The following PDCD11 variants were observed in gnomAD, a reference collection of about 807,000 sequenced individuals.
PDCD11 encodes the protein protein RRP5 homolog.
In PDCD11, 97 loss-of-function variants were observed where a neutral mutation model predicts 198.9. The ratio of observed to expected loss-of-function variants is 0.49; its 90% CI spans 0.41 to 0.58. The LOEUF (loss-of-function observed/expected upper bound fraction) is 0.58, where lower values mean the gene tolerates loss of function less well. PDCD11 is among the 20% of genes least tolerant of loss of function. The pLI is 0.00. For missense variants in PDCD11, 2,102 were observed against 2,312.7 expected, an observed-to-expected ratio of 0.91 and a Z score of 1.87; for synonymous variants, 893 against 918.0, an observed-to-expected ratio of 0.97 and a Z score of 0.49.
chr10:103,435,224 GT>G (rs1217089780), intron 25 of PDCD11, among the ~76,000 whole-genome samples: 1 of 151,588 alleles, frequency 6.6e-6, no homozygotes, highest in South Asian at 2.1e-4. Context: ...TTGATATACT[GT>G]TTTTTTCTCA....
chr10:103,421,635 G>T, intron 17 of PDCD11, 68 bp downstream of exon 17: 2 of 1,272,330 alleles, frequency 1.6e-6, no homozygotes, highest in South Asian at 2.6e-5. Flanking sequence ...TACACCTGTT[G>T]TTAGGTGAGT....
chr10:103,430,894 G>A (rs2031905528), intron 21 of PDCD11, among the ~76,000 whole-genome samples: 1 of 151,884 alleles, frequency 6.6e-6, no homozygotes, highest in Admixed American at 6.6e-5. Context: ...TACCTCCTGG[G>A]TTGAAGTGAT....
rs1158777019 is a variant in PDCD11 at position 103,441,930 on chromosome 10, A to G, written c.4662A>G (p.Ala1554=). ...DSLTPALPPL[A]ESSDSEEDEK... is the part of the protein sequence containing the mutation. ...TGACCCCGGCCTTGCCACCTCTAGC[A>G]GAGAGCTCAGACAGCGAGGAGGATG... Residue 1554 remains alanine (A), a synonymous_variant, in exon 31 of 36, where the codon GCA becomes GCG. Transcript: ENST00000369797. 6.2e-7 allele frequency: 1 copy of G among 1,614,242 alleles called. No homozygotes were observed. Among genetic ancestry groups the G allele is most frequent in the Admixed American group, 1.7e-5 (1 of 60,038 alleles).
Position 103,418,048 on chromosome 10 carries a change from A to C in PDCD11, c.1911+116A>C. 3 of 1,197,228 alleles carry C rather than the reference A, an allele frequency of 2.5e-6. No homozygotes were observed. The South Asian group carries it at 3.9e-5, about 16-fold the overall frequency. The allele number at this position is 1,197,228 out of a possible 1,614,324, so 74.2% of individuals were successfully genotyped here. On this transcript the variant is annotated intron_variant, in intron 14 of 35. Transcript: ENST00000369797. Reference sequence around the variant, plus strand: ...GGAAAGATAGAGGTAGCTAGATAAGATTTTGGGGCTAGAGGGGTTCATACG... The same window carrying C: ...GGAAAGATAGAGGTAGCTAGATAAGCTTTTGGGGCTAGAGGGGTTCATACG...
intron 8 of PDCD11, among the ~76,000 whole-genome samples, chr10:103,410,968 G>A (rs2030766610): frequency 1.3e-5 from 2 of 151,692 alleles, no homozygotes; most frequent in Admixed American, 6.6e-5. Context: ...CCAGCTACTC[G>A]GGAGACTGAG....
chr10:103,443,198 T>A lies in PDCD11; in HGVS notation c.4989T>A (p.Ala1663=). 1.2e-6 allele frequency: 2 copies of A among 1,603,862 alleles called. No individual in the cohort carries two copies. The highest frequency in any genetic ancestry group is 1.7e-6 in the Non-Finnish European group (2 of 1,172,584). Residue 1663 remains alanine (A), a synonymous_variant, in exon 33 of 36, where the codon GCT becomes GCA. Coordinates refer to ENST00000369797, the MANE Select transcript of PDCD11 (RefSeq NM_014976.2). The part of the protein sequence containing the change: ...EEQEKLNVWV[A]LLNLENMYGS... ...AGGAGAAGCTGAACGTGTGGGTGGC[T>A]CTGCTGAACCTGGAGAACATGTACG...
intron 27 of PDCD11, 44 bp from the exon 28 acceptor site, chr10:103,439,702 T>G: frequency 6.2e-7 from 1 of 1,613,258 alleles, no homozygotes; most frequent in Non-Finnish European, 8.5e-7. Context: ...TGGAATTCTG[T>G]TGTTGCATTT....
chr10:103,418,712 A>G, intron 15 of PDCD11, 78 bp downstream of exon 15: 1 of 1,219,140 alleles, frequency 8.2e-7, no homozygotes, highest in Non-Finnish European at 1.2e-6. Context: ...TGGGGAAATT[A>G]GACAGCTATT....
chr10:103,426,624 G>A (rs569236934), intron 20 of PDCD11, among the ~76,000 whole-genome samples: 5 of 151,568 alleles, frequency 3.3e-5, no homozygotes, highest in South Asian at 2.1e-4. Flanking sequence ...GTGAAACCCC[G>A]TCTACTGAAA....
Position 103,423,070 on chromosome 10 carries a change from C to A in PDCD11, c.2580C>A (p.Gly860=). ...TGGTGCAGGAGGTGTTGGAAGATGG[C>A]TCTGTGGTATTCAGTGGGGGTCCAG... is the stretch of plus-strand genomic sequence containing the variant. ...DLVVQEVLED[G]SVVFSGGPVP... Residue 860 remains glycine, a synonymous_variant, in exon 18 of 36, where the codon GGC becomes GGA. Coordinates refer to ENST00000369797, the MANE Select transcript of PDCD11 (RefSeq NM_014976.2). 1 of 1,606,940 alleles carries A rather than the reference C, an allele frequency of 6.2e-7. No homozygotes were observed.
At position 103,434,859 on chromosome 10, in the gene PDCD11, C is replaced by T. The variant is rs759926468; in HGVS notation, c.3729C>T (p.Asn1243=). 3.0e-5 allele frequency: 49 copies of T among 1,612,676 alleles called. No homozygotes were observed. Among genetic ancestry groups the T allele is most frequent in the South Asian group, 1.2e-4 (11 of 90,840 alleles). Residue 1243 remains asparagine, a synonymous_variant, in exon 25 of 36, where the codon AAC becomes AAT. Coordinates refer to ENST00000369797, the MANE Select transcript of PDCD11 (RefSeq NM_014976.2). ...GCCGAGTGGTGAAGGTGACTCCCAA[C>T]GAGGGGCTGACCGTCTCCTTCCCCT... ...AMGRVVKVTP[N]EGLTVSFPFG... is the part of the protein sequence containing the mutation.
chr10:103,414,406 C>A, intron 11 of PDCD11, 76 bp downstream of exon 11: 1 of 975,898 alleles, frequency 1.0e-6, no homozygotes, highest in Non-Finnish European at 1.6e-6. Context: ...TGACTGTCAG[C>A]CCGTTAGTCC....
intron 27 of PDCD11, among the ~76,000 whole-genome samples, chr10:103,439,021 T>C (rs1029630286): frequency 6.6e-6 from 1 of 152,346 alleles, no homozygotes; most frequent in South Asian, 2.1e-4. Context: ...ACAAAGAATA[T>C]GGCATTTCTA....
At position 103,403,267 on chromosome 10, in the gene PDCD11, A is replaced by G; in HGVS notation, c.384A>G (p.Thr128=). ...AYTKKLNEQV[T]QEQPLKDLLH... is the part of the protein sequence containing the mutation. ...CCAAAAAGCTGAATGAGCAGGTGAC[A>G]CAAGAACAACCTCTGAAGGTAAGGG... The change falls in exon 4 of 36, where the codon ACA becomes ACG. Residue 128 remains threonine, a synonymous_variant. Coordinates refer to ENST00000369797, the MANE Select transcript of PDCD11 (RefSeq NM_014976.2). 4 of 1,614,074 alleles carry G rather than the reference A, an allele frequency of 2.5e-6. No individual in the cohort carries two copies. Among genetic ancestry groups the G allele is most frequent in the Non-Finnish European group, 3.4e-6 (4 of 1,179,950 alleles).
In PDCD11 at chr10:103,416,442, G is replaced by T. The variant is rs769948130; in HGVS notation, c.1519-49G>T. On this transcript the variant is annotated intron_variant, in intron 12 of 35. Coordinates refer to ENST00000369797, the MANE Select transcript of PDCD11 (RefSeq NM_014976.2). Reference sequence around the variant, plus strand: ...AGAGGTTGCAGAGACCAGCTCAGTGGCTCTCATGATAACAGATAACTTGAT... The same window carrying T: ...AGAGGTTGCAGAGACCAGCTCAGTGTCTCTCATGATAACAGATAACTTGAT... 19 of 1,598,152 alleles carry T rather than the reference G, an allele frequency of 1.2e-5. No individual in the cohort carries two copies. In the African/African-American group the frequency reaches 2.5e-4, roughly 21 times the overall value.
At chr10:103,420,128 A>G (rs138873813) in intron 16 of PDCD11, among the ~76,000 whole-genome samples, 1,724 of 151,998 alleles carry the variant, frequency 0.011, 10 homozygotes, top group Non-Finnish European at 0.018. Flanking sequence ...AAAGATTTTC[A>G]GGGGTACCTC....
chr10:103,406,637 G>C lies in PDCD11; in HGVS notation c.717G>C (p.Leu239=), dbSNP rs1208593159. 6.2e-7 allele frequency: 1 copy of C among 1,614,130 alleles called. No individual in the cohort carries two copies. The highest frequency in any genetic ancestry group is 1.1e-5 in the South Asian group (1 of 91,078). Residue 239 remains leucine, a synonymous_variant, in exon 7 of 36, where the codon CTG becomes CTC. Coordinates refer to ENST00000369797, the MANE Select transcript of PDCD11 (RefSeq NM_014976.2). ...CTAAACTAAAGGTGGGTCAGTACCT[G>C]AACTGCATTGTTGAAAAGGTGAAAG... ...KGAKLKVGQY[L]NCIVEKVKGN... is the part of the protein sequence containing the mutation.
At chr10:103,397,686 G>A (rs1440052180) in intron 1 of PDCD11, among the ~76,000 whole-genome samples, 2 of 152,190 alleles carry the variant, frequency 1.3e-5, no homozygotes, top group Non-Finnish European at 2.9e-5. Context: ...CACGCGCCTC[G>A]GGCTCCCGAA....
intron 33 of PDCD11, 28 bp from the exon 34 acceptor site, chr10:103,443,887 C>T (rs765014221): frequency 3.0e-5 from 49 of 1,610,980 alleles, no homozygotes; most frequent in Non-Finnish European, 3.8e-5. Flanking sequence ...ATCACACTCT[C>T]CTCAGCGTGC....
Sources: gnomAD v4.1 joint callset for allele counts (sites outside exome capture counted in the v4.1 genomes callset) on GRCh38, gnomAD v4.1.1 for gene constraint, MANE v1.5 for transcripts, NCBI Gene and HGNC (gene_info 2026-07-23, HGNC 2026-07-21) for gene names.